Variants in CCR6 observed in about 807,000 individuals in gnomAD.
The protein encoded by CCR6 is C-C motif chemokine receptor 6.
In CCR6, 2 loss-of-function variants were observed where a neutral mutation model predicts 3.0. The observed-to-expected ratio is 0.66, with a 90% CI of 0.27 to 2.07. The LOEUF is 2.07. CCR6 is among the 30% of genes most tolerant of loss of function. CCR6 has a pLI of 0.14. For missense variants in CCR6, 322 were observed against 462.8 expected, an observed-to-expected ratio of 0.70 and a Z score of 2.79; for synonymous variants, 193 against 184.3, an observed-to-expected ratio of 1.05 and a Z score of -0.38.
intron 1 of CCR6, chr6:167,112,154 G>T (rs1198480003): frequency 2.0e-5 from 3 of 152,072 alleles, no homozygotes; most frequent in Admixed American, 2.0e-4. Context: ...ATTTATTTAG[G>T]CTACTTTAGT....
Position 167,138,883 on chromosome 6 carries a change from C to G in CCR6, c.*1528C>G, listed in dbSNP as rs1164362025. On this transcript the variant is annotated 3_prime_UTR_variant, in exon 3 of 3. Transcript: ENST00000341935. ...GGCAGAGGTTGCAGTGAGCCGAGAT[C>G]GTGCCATTGCACTCCAGCCTGGGTG... The G allele has an allele frequency of 2.3e-5, 3 of 128,654 alleles. No homozygotes were observed. The highest frequency in any genetic ancestry group is 5.7e-5 in the African/African-American group (2 of 34,940). 8.0% of individuals were successfully genotyped at this position (128,654 alleles called of 1,614,324 possible). A position where few individuals can be genotyped will look rare whatever the true frequency, so the allele number is the denominator to read the frequency against.
chr6:167,139,011 C>T lies in CCR6; in HGVS notation c.*1656C>T, dbSNP rs1452668205. ...AACCTGACAATGGTGTTATTTGAAACTTTATATTGTTCTTGTAAGCTTTAA... is the reference window on the plus strand; with the variant it reads ...AACCTGACAATGGTGTTATTTGAAATTTTATATTGTTCTTGTAAGCTTTAA... On this transcript the variant is annotated 3_prime_UTR_variant, in exon 3 of 3. Transcript: ENST00000341935. 6.7e-6 allele frequency: 1 copy of T among 149,300 alleles called. No individual in the cohort carries two copies. Among genetic ancestry groups the T allele is most frequent in the African/African-American group, 2.5e-5 (1 of 40,462 alleles). 9.2% of individuals were successfully genotyped at this position (149,300 alleles called of 1,614,324 possible).
chr6:167,111,997 A>G (rs1237755527), exon 1 of CCR6: 1 of 152,332 alleles, frequency 6.6e-6, no homozygotes, highest in Non-Finnish European at 1.5e-5. Flanking sequence ...TGTGGAACAG[A>G]CAGCTCCTTC....
intron 1 of CCR6, among the ~76,000 whole-genome samples, chr6:167,125,811 G>C (rs1781661472): frequency 6.6e-6 from 1 of 152,026 alleles, no homozygotes; most frequent in Non-Finnish European, 1.5e-5. Context: ...AATAAAAGTT[G>C]TACTAGGAAG....
intron 1 of CCR6, among the ~76,000 whole-genome samples, 167 bp from the exon 2 acceptor site, chr6:167,135,871 C>T (rs1300163671): frequency 6.6e-6 from 1 of 152,130 alleles, no homozygotes; most frequent in Non-Finnish European, 1.5e-5. Flanking sequence ...ACTATCTGGC[C>T]CTTTACAGAA....
chr6:167,134,649 T>TGG (rs3839361), intron 1 of CCR6, among the ~76,000 whole-genome samples: 23 of 152,128 alleles, frequency 1.5e-4, no homozygotes, highest in Non-Finnish European at 3.4e-4. Context: ...TGACACAGTG[T>TGG]GGGGGCGAGG....
Position 167,129,826 on chromosome 6 carries a change from G to A in CCR6, c.-97-6212G>A, listed in dbSNP as rs977569797. ...GTGAGAGGCTAACATTCAGGTGGGG[G>A]GTGACAATGAGTTACTGAGACAGCA... On this transcript the variant is annotated intron_variant, in intron 1 of 2. Transcript: ENST00000341935. Among the ~76,000 whole-genome samples, 7 of 151,582 alleles carry A rather than the reference G, an allele frequency of 4.6e-5. 1 individual carries two copies. The highest frequency in any genetic ancestry group is 1.7e-4 in the African/African-American group (7 of 40,898).
chr6:167,118,144 T>G (rs1287903366), upstream of CCR6, among the ~76,000 whole-genome samples: 1 of 152,136 alleles, frequency 6.6e-6, no homozygotes, highest in Non-Finnish European at 1.5e-5. Flanking sequence ...CATCTCTTGC[T>G]AAGCCCCCTC....
intron 1 of CCR6, among the ~76,000 whole-genome samples, chr6:167,130,348 AG>A (rs1781734226): frequency 6.6e-6 from 1 of 151,864 alleles, no homozygotes; most frequent in Non-Finnish European, 1.5e-5. Flanking sequence ...TCATTAAAGA[AG>A]GAACAGAAAT....
chr6:167,131,944 C>T lies in CCR6; in HGVS notation c.-97-4094C>T, dbSNP rs115486661. On this transcript the variant is annotated intron_variant, in intron 1 of 2. Coordinates refer to ENST00000341935, the MANE Select transcript of CCR6 (RefSeq NM_031409.4). ...CCACCCCCACAATCAGGATAGAGGA[C>T]ATTTCTGCCACCACAAAAGCCCCTT... Among the ~76,000 whole-genome samples, 390 of 152,324 alleles carry T rather than the reference C, an allele frequency of 2.6e-3. 3 individuals are homozygous for T. Among genetic ancestry groups the T allele is most frequent in the Middle Eastern group, 6.8e-3 (2 of 294 alleles).
intron 1 of CCR6, among the ~76,000 whole-genome samples, chr6:167,125,111 G>A (rs1472599655): frequency 1.3e-5 from 2 of 150,134 alleles, no homozygotes; most frequent in Admixed American, 6.6e-5. Context: ...CACACACACC[G>A]ACATATGCAC....
At position 167,137,399 on chromosome 6, in the gene CCR6, A is replaced by G; in HGVS notation, c.*44A>G. 1 of 1,536,534 alleles carries G rather than the reference A, an allele frequency of 6.5e-7. No homozygotes were observed. Among genetic ancestry groups the G allele is most frequent in the Non-Finnish European group, 8.7e-7 (1 of 1,144,344 alleles). On this transcript the variant is annotated 3_prime_UTR_variant, in exon 3 of 3. Coordinates refer to ENST00000341935, the MANE Select transcript of CCR6 (RefSeq NM_031409.4). This position sits in a 1 kb window ranked among gnomAD's most constrained non-coding sequence, Gnocchi z 4.6. ...TAAGGCATGTGTGAAACATACTCAT[A>G]GATGTTATGCAAAAAAAAGTCTATG... is the stretch of plus-strand genomic sequence containing the variant.
chr6:167,132,117 C>T (rs781374500), intron 1 of CCR6, among the ~76,000 whole-genome samples: 22 of 152,260 alleles, frequency 1.4e-4, no homozygotes, highest in Middle Eastern at 3.4e-3. Flanking sequence ...TCTTACCGAG[C>T]GAAGGTTTTG....
At chr6:167,130,996 C>CCCTCCGGGACTCCTA in intron 1 of CCR6, among the ~76,000 whole-genome samples, 1 of 141,174 alleles carries the variant, frequency 7.1e-6, no homozygotes, top group African/African-American at 2.6e-5. Flanking sequence ...TGGACCCCCT[C>CCCTCCGGGACTCCTA]CCTTTGGGAC....
chr6:167,130,167 C>T (rs367740039), intron 1 of CCR6, among the ~76,000 whole-genome samples: 3 of 151,776 alleles, frequency 2.0e-5, no homozygotes, highest in Middle Eastern at 3.4e-3. Context: ...ATAGGGACCA[C>T]GTGTGAGATA....
Position 167,137,503 on chromosome 6 carries a change from G to A in CCR6, c.*148G>A. The A allele has an allele frequency of 1.4e-6, 1 of 719,112 alleles. No individual in the cohort carries two copies. Among genetic ancestry groups the A allele is most frequent in the Non-Finnish European group, 2.2e-6 (1 of 445,774 alleles). 44.5% of individuals were successfully genotyped at this position (719,112 alleles called of 1,614,324 possible). On this transcript the variant is annotated 3_prime_UTR_variant, in exon 3 of 3. Coordinates refer to ENST00000341935, the MANE Select transcript of CCR6 (RefSeq NM_031409.4). This position sits in a 1 kb window ranked among gnomAD's most constrained non-coding sequence, Gnocchi z 4.6. ...CCTGCGGGACTTAACGTGCTCATGG[G>A]CTGTGTGATCTCTTCAGGGTGGGGT...
At chr6:167,122,255 A>C (rs1314656489), upstream of CCR6, among the ~76,000 whole-genome samples, 2 of 152,158 alleles carry the variant, frequency 1.3e-5, no homozygotes, top group East Asian at 3.9e-4. This position sits in a 1 kb window ranked among gnomAD's most constrained non-coding sequence, Gnocchi z 4.2. Flanking sequence ...TTGTCTGTAA[A>C]ACTTTTGTTA....
At chr6:167,121,285 G>A (rs34591674), upstream of CCR6, among the ~76,000 whole-genome samples, 2 of 152,350 alleles carry the variant, frequency 1.3e-5, no homozygotes, top group South Asian at 2.1e-4. Flanking sequence ...TGTTCAACAC[G>A]TTACATTTCT....
intron 1 of CCR6, chr6:167,131,171 A>G (rs369697219): frequency 3.3e-5 from 5 of 152,348 alleles, no homozygotes; most frequent in East Asian, 1.9e-4. Context: ...GCTAGCATGG[A>G]ACCGTTATAT....
Sources: gnomAD v4.1 joint callset for allele counts (sites outside exome capture counted in the v4.1 genomes callset) on GRCh38, gnomAD v4.1.1 for gene constraint, Gnocchi (gnomAD v3.1) non-coding constraint, MANE v1.5 for transcripts, NCBI Gene and HGNC (gene_info 2026-07-23, HGNC 2026-07-21) for gene names.